Variants in SPTB observed in about 807,000 individuals in gnomAD.
SPTB encodes the protein spectrin beta, erythrocytic, also known as spectrin beta chain, erythrocytic.
In SPTB, 45 loss-of-function variants were observed where a neutral mutation model predicts 256.2. The ratio of observed to expected loss-of-function variants is 0.18; its 90% CI spans 0.14 to 0.23. The LOEUF (loss-of-function observed/expected upper bound fraction) is 0.23, where lower values mean the gene tolerates loss of function less well. SPTB is among the 10% of genes least tolerant of loss of function. The probability of loss-of-function intolerance (pLI) is 1.00; values close to 1 mark genes in which losing one functional copy is unlikely to be tolerated. For missense variants in SPTB, 2,715 were observed against 3,040.4 expected (o/e 0.89, Z 2.52); for synonymous variants, 1,231 against 1,243.1 (o/e 0.99, Z 0.21).
Position 64,826,480 on chromosome 14 carries a change from C to G in SPTB, c.-51-3335G>C, listed in dbSNP as rs577864979. 2.0e-5 allele frequency among the ~76,000 whole-genome samples: 3 copies of G among 152,264 alleles called. No individual in the cohort carries two copies. In the South Asian group the frequency reaches 6.2e-4, roughly 32 times the overall value. ...GGGAGGAACTTAGAGATGAGATGAT[C>G]TGGTCTCATTTTCAAAGATATAAGT... is the stretch of plus-strand genomic sequence containing the variant. On this transcript the variant is annotated intron_variant, in intron 1 of 35. Coordinates refer to ENST00000644917, the MANE Select transcript of SPTB (RefSeq NM_001355436.2). This position sits in a 1 kb window ranked among gnomAD's most constrained non-coding sequence, Gnocchi z 4.4.
At chr14:64,834,981 A>G (rs748038032) in intron 1 of SPTB, among the ~76,000 whole-genome samples, 3 of 152,228 alleles carry the variant, frequency 2.0e-5, no homozygotes, top group Non-Finnish European at 4.4e-5. Context: ...TCTAACCTAT[A>G]AATAATATAT....
Position 64,786,561 on chromosome 14 carries a change from T to G in SPTB, c.3404A>C (p.Glu1135Ala). 6.2e-7 allele frequency: 1 copy of G among 1,614,142 alleles called. No homozygotes were observed. Among genetic ancestry groups the G allele is most frequent in the Non-Finnish European group, 8.5e-7 (1 of 1,180,018 alleles). ...CAGCCGCTGGCCCAGAAGCAGATACTCTGGGTCCGTCTGGCCTTGGATCAC... is the reference window on the plus strand; with the variant it reads ...CAGCCGCTGGCCCAGAAGCAGATACGCTGGGTCCGTCTGGCCTTGGATCAC... Reference protein sequence around the residue: ...EKVIQGQTDPEYLLLGQRLEG... With the variant: ...EKVIQGQTDPAYLLLGQRLEG... The change falls in exon 16 of 36, where the codon GAG becomes GCG. Residue 1135 changes from glutamate (E) to alanine (A), a missense_variant. This residue lies in a region of SPTB where 2,239 missense variants were observed against 2,384.4 expected (regional missense o/e 0.94). Transcript: ENST00000644917. The surrounding 1 kb of genome is among the most constrained non-coding windows in gnomAD (Gnocchi z 5.6).
chr14:64,827,618 T>C lies in SPTB; in HGVS notation c.-51-4473A>G, dbSNP rs536341729. Among the ~76,000 whole-genome samples, 6 of 152,188 alleles carry C rather than the reference T, an allele frequency of 3.9e-5. No homozygotes were observed. Among genetic ancestry groups the C allele is most frequent in the Non-Finnish European group, 8.8e-5 (6 of 68,036 alleles). ...TCCTCTCCCTCTGATCATAATCGCA[T>C]TGCACATTCACAGGTACCTTAAAGA... On this transcript the variant is annotated intron_variant, in intron 1 of 35. Transcript: ENST00000644917. This position sits in a 1 kb window ranked among gnomAD's most constrained non-coding sequence, Gnocchi z 4.6.
At chr14:64,780,293 T>G (rs770917649) in intron 20 of SPTB, among the ~76,000 whole-genome samples, 1 of 152,220 alleles carries the variant, frequency 6.6e-6, no homozygotes, top group Admixed American at 6.5e-5. Flanking sequence ...AAACATCTCA[T>G]GCTCATGTGA....
At chr14:64,787,565 C>G (rs1269609615) in intron 15 of SPTB, among the ~76,000 whole-genome samples, 1 of 152,130 alleles carries the variant, frequency 6.6e-6, no homozygotes, top group African/African-American at 2.4e-5. Context: ...CCCCAGCTGC[C>G]CTAGAGGAAC....
chr14:64,780,024 G>C (rs1340227274), intron 20 of SPTB, 93 bp from the exon 21 acceptor site: 2 of 1,146,900 alleles, frequency 1.7e-6, no homozygotes, highest in Non-Finnish European at 2.6e-6. Flanking sequence ...CATCCTTTAA[G>C]GCCCAATTTG....
At chr14:64,839,060 A>C (rs1295600498) in intron 1 of SPTB, among the ~76,000 whole-genome samples, 3 of 151,836 alleles carry the variant, frequency 2.0e-5, no homozygotes, top group Non-Finnish European at 2.9e-5. Context: ...TGAACCCGGG[A>C]GGCAGAGGTT....
intron 5 of SPTB, 61 bp from the exon 6 acceptor site, chr14:64,801,895 T>C: frequency 2.6e-6 from 4 of 1,514,168 alleles, no homozygotes; most frequent in Non-Finnish European, 3.7e-6. Flanking sequence ...CAAACAAGTG[T>C]ACAAATTGAG....
Position 64,749,370 on chromosome 14 carries a change from G to C in SPTB, c.6923C>G (p.Pro2308Arg). ...GTCTTTCTTGCCGAGGCTGGCGTCG[G>C]GGCCGGAGAGGGAAGGCAGGGGCAG... The part of the protein sequence containing the change: ...QSLPLPSLSG[P>R]DASLGKKDKE... Residue 2308 changes from proline (P) to arginine (R), a missense_variant, in exon 36 of 36, where the codon CCC becomes CGC. By Grantham distance (103) the Pro-to-Arg change is moderately radical. Coordinates refer to ENST00000644917, the MANE Select transcript of SPTB (RefSeq NM_001355436.2). This position sits in a 1 kb window ranked among gnomAD's most constrained non-coding sequence, Gnocchi z 4.7. 1.9e-6 allele frequency: 3 copies of C among 1,610,448 alleles called. No homozygotes were observed. The highest frequency in any genetic ancestry group is 2.5e-6 in the Non-Finnish European group (3 of 1,179,754).
chr14:64,804,196 T>G (rs2082940656), intron 3 of SPTB, among the ~76,000 whole-genome samples: 1 of 152,240 alleles, frequency 6.6e-6, no homozygotes, highest in South Asian at 2.1e-4. Context: ...ATCAACCTTC[T>G]CCTCTCCCCC....
intron 2 of SPTB, among the ~76,000 whole-genome samples, chr14:64,811,962 A>G (rs1242338407): frequency 6.6e-6 from 1 of 152,250 alleles, no homozygotes; most frequent in Non-Finnish European, 1.5e-5. Context: ...TGGACCCAGT[A>G]ATTCCACTTC....
chr14:64,819,897 T>A (rs981997601), intron 2 of SPTB, among the ~76,000 whole-genome samples: 3 of 152,198 alleles, frequency 2.0e-5, no homozygotes, highest in Non-Finnish European at 4.4e-5. Context: ...GTAAACTTTA[T>A]CTTATTTGCT....
At position 64,827,129 on chromosome 14, in the gene SPTB, G is replaced by A. The variant is rs2083387597; in HGVS notation, c.-51-3984C>T. Among the ~76,000 whole-genome samples, 1 of 152,166 alleles carries A rather than the reference G, an allele frequency of 6.6e-6. No individual in the cohort carries two copies. Among genetic ancestry groups the A allele is most frequent in the South Asian group, 2.1e-4 (1 of 4,830 alleles). On this transcript the variant is annotated intron_variant, in intron 1 of 35. Transcript: ENST00000644917. This position sits in a 1 kb window ranked among gnomAD's most constrained non-coding sequence, Gnocchi z 4.6. ...AGCAGCTCCTCTCCCAGCCTGCAGG[G>A]TGCTGACGGAGCCCAAGCTAGGACC...
intron 1 of SPTB, among the ~76,000 whole-genome samples, chr14:64,835,711 G>A (rs1343262860): frequency 6.6e-6 from 1 of 152,220 alleles, no homozygotes; most frequent in Non-Finnish European, 1.5e-5. Context: ...CTCTTTATAG[G>A]ATTGTGTGGC....
chr14:64,836,071 A>G (rs1387404149), intron 1 of SPTB, among the ~76,000 whole-genome samples: 1 of 152,176 alleles, frequency 6.6e-6, no homozygotes, highest in African/African-American at 2.4e-5. Context: ...TGGTTAGGTG[A>G]GGCTGTGAGG....
Position 64,777,381 on chromosome 14 carries a change from T to C in SPTB, c.4563+1776A>G, listed in dbSNP as rs1216904194. Among the ~76,000 whole-genome samples the C allele has an allele frequency of 6.6e-6, 1 of 152,208 alleles. No individual in the cohort carries two copies. The highest frequency in any genetic ancestry group is 1.5e-5 in the Non-Finnish European group (1 of 68,036). On this transcript the variant is annotated intron_variant, in intron 22 of 35. Transcript: ENST00000644917. This position sits in a 1 kb window ranked among gnomAD's most constrained non-coding sequence, Gnocchi z 4.5. Reference sequence around the variant, plus strand: ...CCACTGAATAATCCAGGGAAACAGATGCAGCTAGGGGCCTACCCCCAGAGA... The same window carrying C: ...CCACTGAATAATCCAGGGAAACAGACGCAGCTAGGGGCCTACCCCCAGAGA...
At chr14:64,800,695 A>G (rs992073713) in intron 8 of SPTB, 61 bp downstream of exon 8, 1 of 1,451,090 alleles carries the variant, frequency 6.9e-7, no homozygotes, top group Non-Finnish European at 9.7e-7. Context: ...AAAGAGGGCC[A>G]CTCTGTCTGG....
Position 64,762,940 on chromosome 14 carries a change from G to A in SPTB, c.6345+3786C>T, listed in dbSNP as rs544238631. Among the ~76,000 whole-genome samples the A allele has an allele frequency of 2.0e-5, 3 of 152,342 alleles. No individual in the cohort carries two copies. In the South Asian group the frequency reaches 6.2e-4, roughly 32 times the overall value. ...AGGAGCACCAATCCCTTTCAGGGAC[G>A]TCACACATGGCATCACCGCAGCCCT... On this transcript the variant is annotated intron_variant, in intron 32 of 35. Transcript: ENST00000644917.
At position 64,795,893 on chromosome 14, in the gene SPTB, G is replaced by A. The variant is rs2082760055; in HGVS notation, c.1342-254C>T. On this transcript the variant is annotated intron_variant, in intron 11 of 35. Transcript: ENST00000644917. The surrounding 1 kb of genome is among the most constrained non-coding windows in gnomAD (Gnocchi z 6.5). ...CACCCGCGTGGGAGATGCAGCCTGC[G>A]TGTTACTAATGGAGCCCCTTGGCAG... Among the ~76,000 whole-genome samples the A allele has an allele frequency of 6.6e-6, 1 of 152,180 alleles. No homozygotes were observed. The highest frequency in any genetic ancestry group is 2.1e-4 in the South Asian group (1 of 4,830).
Sources: gnomAD v4.1 joint callset for allele counts (sites outside exome capture counted in the v4.1 genomes callset) on GRCh38, gnomAD v4.1.1 for gene constraint, gnomAD v4.1.1 regional missense constraint, Gnocchi (gnomAD v3.1) non-coding constraint, MANE v1.5 for transcripts, NCBI Gene and HGNC (gene_info 2026-07-23, HGNC 2026-07-21) for gene names.